Variants in HDAC8 observed in about 807,000 individuals in gnomAD.
The protein encoded by HDAC8 is histone deacetylase-like 1.
HDAC8 carries 1 observed loss-of-function variant against 32.2 expected under a neutral mutation model. That is an observed-to-expected ratio of 0.03 (90% CI 0.01 to 0.15). The LOEUF is 0.15. HDAC8 is among the 10% of genes least tolerant of loss of function. The probability of loss-of-function intolerance (pLI) is 1.00; values close to 1 mark genes in which losing one functional copy is unlikely to be tolerated. For missense variants in HDAC8, 117 were observed against 300.0 expected, an observed-to-expected ratio of 0.39 and a Z score of 4.51; for synonymous variants, 108 against 113.9, an observed-to-expected ratio of 0.95 and a Z score of 0.33.
At chrX:72,425,024 T>C (rs1399665480) in intron 9 of HDAC8, among the ~76,000 whole-genome samples, 1 of 112,185 alleles carries the variant, frequency 8.9e-6, no homozygotes, top group Middle Eastern at 4.2e-3. Flanking sequence ...ATAGTTAACA[T>C]TGATATACCA....
intron 9 of HDAC8, among the ~76,000 whole-genome samples, chrX:72,392,477 C>G (rs3012652): frequency 0.091 from 10,080 of 111,154 alleles, 1,121 homozygotes; most frequent in African/African-American, 0.32. Flanking sequence ...CCAGAGAGAA[C>G]TCAGAACACA....
chrX:72,564,903 A>G (rs937950693), intron 4 of HDAC8, among the ~76,000 whole-genome samples: 3 of 112,014 alleles, frequency 2.7e-5, no homozygotes, highest in African/African-American at 9.7e-5. Context: ...AAATGCAATT[A>G]TTTGCTGTCT....
chrX:72,332,607 GTTT>G (rs782403645), intron 10 of HDAC8, among the ~76,000 whole-genome samples: 55 of 90,631 alleles, frequency 6.1e-4, no homozygotes, highest in African/African-American at 2.0e-3. Context: ...CTTCCTAATT[GTTT>G]TTTTTTTTTT....
intron 10 of HDAC8, among the ~76,000 whole-genome samples, chrX:72,346,940 C>T (rs906123949): frequency 1.8e-5 from 2 of 111,161 alleles, no homozygotes; most frequent in Admixed American, 9.5e-5. Flanking sequence ...TAGGGGCGAT[C>T]GGAAAGAGCA....
At chrX:72,507,137 C>T (rs1368235521) in intron 4 of HDAC8, among the ~76,000 whole-genome samples, 1 of 111,799 alleles carries the variant, frequency 8.9e-6, no homozygotes, top group African/African-American at 3.3e-5. Context: ...GCATGAGCCA[C>T]CACACCTGGC....
chrX:72,388,595 T>TACACACACACAC lies in HDAC8; in HGVS notation c.1006-36769_1006-36758dup, dbSNP rs59374504. ...TTGTCTATACAAATGCCACAGTGATTACACACACACACACACACACACACA... is the reference window on the plus strand; with the variant it reads ...TTGTCTATACAAATGCCACAGTGATTACACACACACACACACACACACACACACACACACACA... On this transcript the variant is annotated intron_variant, in intron 9 of 10. Transcript: ENST00000373573. 2.7e-3 allele frequency among the ~76,000 whole-genome samples: 240 copies of TACACACACACAC among 88,402 alleles called. 1 individual carries two copies. The highest frequency in any genetic ancestry group is 6.1e-3 in the African/African-American group (139 of 22,772). 76.8% of individuals were successfully genotyped at this position (88,402 alleles called of 115,157 possible). A position where few individuals can be genotyped will look rare whatever the true frequency, so the allele number is the denominator to read the frequency against.
intron 9 of HDAC8, among the ~76,000 whole-genome samples, chrX:72,454,985 T>C (rs782397318): frequency 8.9e-6 from 1 of 112,657 alleles, no homozygotes; most frequent in South Asian, 3.6e-4. Flanking sequence ...AACAGACAAA[T>C]CTACAAATAT....
At chrX:72,516,180 G>T (rs62612999) in intron 4 of HDAC8, among the ~76,000 whole-genome samples, 1 of 112,141 alleles carries the variant, frequency 8.9e-6, no homozygotes, top group Non-Finnish European at 1.9e-5. Context: ...TGCATCAGGA[G>T]AAATTTATTA....
intron 9 of HDAC8, among the ~76,000 whole-genome samples, chrX:72,414,460 G>A (rs2046282232): frequency 8.9e-6 from 1 of 111,836 alleles, no homozygotes; most frequent in Non-Finnish European, 1.9e-5. Context: ...TAATACAAAG[G>A]CATTATTGTA....
At chrX:72,386,423 C>T (rs2147837077) in intron 9 of HDAC8, among the ~76,000 whole-genome samples, 1 of 110,299 alleles carries the variant, frequency 9.1e-6, no homozygotes, top group South Asian at 4.0e-4. Flanking sequence ...ATGAAGGACA[C>T]AGGATATTCA....
chrX:72,464,716 T>C lies in HDAC8; in HGVS notation c.753A>G (p.Val251=). The C allele has an allele frequency of 8.3e-7, 1 of 1,198,485 alleles. No individual in the cohort carries two copies. Among genetic ancestry groups the C allele is most frequent in the Non-Finnish European group, 1.1e-6 (1 of 883,401 alleles). ...CTGCTTTGGGATTAAAGGCTTGGTA[T>C]ACTTCCTTTAGTACACTATATAAAA... ...YQICESVLKE[V]YQAFNPKAVV... is the part of the protein sequence containing the mutation. The change falls in exon 8 of 11, where the codon GTA becomes GTG. Residue 251 remains valine, a synonymous_variant. Transcript: ENST00000373573.
chrX:72,361,803 G>A (rs1399955097), intron 9 of HDAC8, among the ~76,000 whole-genome samples: 1 of 110,929 alleles, frequency 9.0e-6, no homozygotes, highest in Non-Finnish European at 1.9e-5. Flanking sequence ...TATAGCAAAA[G>A]CAGAGGAATA....
rs1244367767 is a variant in HDAC8, at chrX:72,524,100, T to C, written c.438-28832A>G. On this transcript the variant is annotated intron_variant, in intron 4 of 10. Coordinates refer to ENST00000373573, the MANE Select transcript of HDAC8 (RefSeq NM_018486.3). ...TTAACACTGCCACAGCAAAGCTGAA[T>C]AGATATGACAGAAACTCTATGGCCT... Among the ~76,000 whole-genome samples the C allele has an allele frequency of 4.4e-5, 5 of 112,486 alleles. 1 individual carries two copies. The highest frequency in any genetic ancestry group is 1.6e-4 in the African/African-American group (5 of 30,944).
At chrX:72,338,551 T>TG (rs781904294) in intron 10 of HDAC8, among the ~76,000 whole-genome samples, 1 of 106,921 alleles carries the variant, frequency 9.4e-6, no homozygotes, top group East Asian at 2.9e-4. Flanking sequence ...TTAGGACTGT[T>TG]GAAAAATGTT....
chrX:72,478,099 G>C (rs2048389812), intron 7 of HDAC8, among the ~76,000 whole-genome samples: 1 of 112,598 alleles, frequency 8.9e-6, no homozygotes, highest in South Asian at 3.7e-4. Flanking sequence ...CACAAAAAGG[G>C]CTGGCTAAGC....
intron 4 of HDAC8, among the ~76,000 whole-genome samples, chrX:72,535,227 T>C (rs1229453933): frequency 1.8e-5 from 2 of 112,152 alleles, no homozygotes; most frequent in Non-Finnish European, 3.8e-5. Flanking sequence ...TGTACCATTA[T>C]AAGTAATTTC....
intron 9 of HDAC8, among the ~76,000 whole-genome samples, chrX:72,359,267 GT>G (rs782426719): frequency 1.4e-4 from 15 of 103,694 alleles, no homozygotes; most frequent in Non-Finnish European, 1.8e-4. Context: ...GAAGAATACT[GT>G]TTTTTTTTTT....
At position 72,408,220 on chromosome X, in the gene HDAC8, A is replaced by G. The variant is rs191280309; in HGVS notation, c.1005+53784T>C. Among the ~76,000 whole-genome samples the G allele has an allele frequency of 2.7e-5, 3 of 111,489 alleles. No individual in the cohort carries two copies. In the Admixed American group the frequency reaches 2.9e-4, roughly 11 times the overall value. On this transcript the variant is annotated intron_variant, in intron 9 of 10. Coordinates refer to ENST00000373573, the MANE Select transcript of HDAC8 (RefSeq NM_018486.3). ...AATTATACAGTATGTTTAGACGCTCATTAGTGCTATAGCTGAAAAAAATTG... is the reference window on the plus strand; with the variant it reads ...AATTATACAGTATGTTTAGACGCTCGTTAGTGCTATAGCTGAAAAAAATTG...
chrX:72,467,311 T>G (rs180846049), intron 7 of HDAC8: 2 of 111,876 alleles, frequency 1.8e-5, no homozygotes, highest in Admixed American at 9.5e-5. Context: ...TTGTATAAGA[T>G]GTCAACATTG....
Sources: allele counts gnomAD v4.1 joint callset (sites outside exome capture counted in the v4.1 genomes callset), GRCh38; gene constraint gnomAD v4.1.1; transcripts MANE v1.5; gene names NCBI Gene and HGNC (gene_info 2026-07-23, HGNC 2026-07-21).